Variants in TTLL5 observed in about 807,000 individuals in gnomAD.
TTLL5 encodes the protein tubulin tyrosine ligase like 5.
A neutral mutation model predicts 168.4 loss-of-function variants in TTLL5; 132 were observed. The ratio of observed to expected loss-of-function variants is 0.78; its 90% CI spans 0.68 to 0.91. The LOEUF (loss-of-function observed/expected upper bound fraction) is 0.91, where lower values mean the gene tolerates loss of function less well. Among genes scored for constraint, TTLL5 ranks in the 40% least tolerant of loss-of-function variants. The probability of loss-of-function intolerance (pLI) is 0.00; values close to 1 mark genes in which losing one functional copy is unlikely to be tolerated. For missense variants in TTLL5, 1,545 were observed against 1,581.5 expected, an observed-to-expected ratio of 0.98 and a Z score of 0.39; for synonymous variants, 546 against 558.6, an observed-to-expected ratio of 0.98 and a Z score of 0.32.
At chr14:75,951,488 A>T (rs1035330999) in intron 31 of TTLL5, among the ~76,000 whole-genome samples, 4 of 152,140 alleles carry the variant, frequency 2.6e-5, no homozygotes, top group Non-Finnish European at 5.9e-5. Context: ...GGCAGGGCGC[A>T]GTGGCTAACA....
chr14:75,848,346 G>T (rs1896668675), intron 28 of TTLL5, among the ~76,000 whole-genome samples: 1 of 152,056 alleles, frequency 6.6e-6, no homozygotes, highest in African/African-American at 2.4e-5. Flanking sequence ...CATGTCAGCT[G>T]CCCTAGACAA....
chr14:75,763,028 GGAGA>G (rs752085707), intron 18 of TTLL5, among the ~76,000 whole-genome samples: 1 of 152,028 alleles, frequency 6.6e-6, no homozygotes, highest in African/African-American at 2.4e-5. Flanking sequence ...ACACGTCATT[GGAGA>G]GAGAGTTTGT....
intron 3 of TTLL5, among the ~76,000 whole-genome samples, chr14:75,670,715 T>C (rs927256572): frequency 6.6e-6 from 1 of 152,226 alleles, no homozygotes; most frequent in Non-Finnish European, 1.5e-5. Context: ...GTGTATTTTC[T>C]TTGGAGAAAG....
Position 75,707,626 on chromosome 14 carries a change from T to C in TTLL5, c.659T>C (p.Phe220Ser), listed in dbSNP as rs201415862. Residue 220 changes from phenylalanine (F) to serine (S), a missense_variant, in exon 9 of 32, where the codon TTC (phenylalanine) becomes TCC (serine). Physicochemically the swap from Phe to Ser is radical, Grantham distance 155. Transcript: ENST00000298832. ...AATACAAACTTTTTTTTTTTAGATT[T>C]CAAGTTTGACGTGCGCCTCTATGTG... ...YINNPLLIDD[F>S]KFDVRLYVLV... The C allele has an allele frequency of 6.2e-7, 1 of 1,610,184 alleles. No individual in the cohort carries two copies. The highest frequency in any genetic ancestry group is 8.5e-7 in the Non-Finnish European group (1 of 1,178,962).
At chr14:75,760,014 G>A (rs1385490016) in intron 18 of TTLL5, among the ~76,000 whole-genome samples, 1 of 151,918 alleles carries the variant, frequency 6.6e-6, no homozygotes, top group Non-Finnish European at 1.5e-5. Flanking sequence ...GTAAAGCAAG[G>A]CAGTGAAAAA....
chr14:75,678,897 C>T (rs114858635), intron 3 of TTLL5, among the ~76,000 whole-genome samples: 110 of 152,280 alleles, frequency 7.2e-4, no homozygotes, highest in African/African-American at 2.6e-3. Context: ...GAGATGTATG[C>T]GTGTCCTATT....
intron 30 of TTLL5, among the ~76,000 whole-genome samples, chr14:75,899,042 CAG>C (rs986554615): frequency 2.2e-4 from 34 of 152,266 alleles, no homozygotes; most frequent in African/African-American, 7.9e-4. Context: ...ATAGTGAATG[CAG>C]AGAGTGTTAA....
At chr14:75,853,153 C>T (rs1398491401) in intron 28 of TTLL5, among the ~76,000 whole-genome samples, 1 of 152,216 alleles carries the variant, frequency 6.6e-6, no homozygotes, top group East Asian at 1.9e-4. Context: ...TCAGAGCCAA[C>T]CATTCTTTCT....
chr14:75,932,520 T>G (rs2140171941), intron 31 of TTLL5, among the ~76,000 whole-genome samples: 1 of 152,308 alleles, frequency 6.6e-6, no homozygotes, highest in African/African-American at 2.4e-5. Context: ...AAATAAAAAG[T>G]AAAATAGAAT....
chr14:75,928,456 T>A (rs1291279867), intron 31 of TTLL5, among the ~76,000 whole-genome samples: 1 of 150,650 alleles, frequency 6.6e-6, no homozygotes, highest in African/African-American at 2.4e-5. Flanking sequence ...AAACCTCAGC[T>A]TTTATGGCAA....
intron 15 of TTLL5, chr14:75,737,416 TA>T: frequency 1.5e-6 from 1 of 680,834 alleles, no homozygotes; most frequent in Non-Finnish European, 2.3e-6. Context: ...ATAAATGTTC[TA>T]ACCTTCCAAC....
At chr14:75,925,436 TCCTCACATCCCAGACGGGGC>T (rs1566663192) in intron 31 of TTLL5, among the ~76,000 whole-genome samples, 4 of 131,164 alleles carry the variant, frequency 3.0e-5, no homozygotes, top group East Asian at 2.2e-4. Flanking sequence ...GCAGAGGCGC[TCCTCACATCCCAGACGGGGC>T]GGCGGGGCAG....
chr14:75,753,472 A>G lies in TTLL5; in HGVS notation c.1550+517A>G, dbSNP rs372300039. 3.5e-4 allele frequency among the ~76,000 whole-genome samples: 54 copies of G among 152,314 alleles called. No individual in the cohort carries two copies. In the East Asian group the frequency reaches 9.1e-3, roughly 26 times the overall value. On this transcript the variant is annotated intron_variant, in intron 18 of 31. Transcript: ENST00000298832. ...ACAGCAATCAGGGCTGCTTAGTCCC[A>G]CATACTTTTGTAGCCCCTGAAACAT...
intron 20 of TTLL5, among the ~76,000 whole-genome samples, chr14:75,768,108 G>A (rs76199807): frequency 0.015 from 2,348 of 152,282 alleles, 80 homozygotes; most frequent in African/African-American, 0.053. Context: ...AAAGTCTTGC[G>A]AATGGATAAG....
intron 20 of TTLL5, among the ~76,000 whole-genome samples, chr14:75,768,490 G>A (rs1891092793): frequency 6.6e-6 from 1 of 151,972 alleles, no homozygotes; most frequent in Admixed American, 6.6e-5. Context: ...AAAAGAAACG[G>A]ATTTTTTTTT....
At chr14:75,860,576 A>G (rs1897347572) in intron 28 of TTLL5, among the ~76,000 whole-genome samples, 1 of 152,236 alleles carries the variant, frequency 6.6e-6, no homozygotes, top group Non-Finnish European at 1.5e-5. Context: ...CTAATAGTTT[A>G]ATTCTGGATT....
intron 31 of TTLL5, among the ~76,000 whole-genome samples, chr14:75,939,203 G>T (rs1293546196): frequency 1.3e-5 from 2 of 152,208 alleles, no homozygotes; most frequent in Non-Finnish European, 2.9e-5. Flanking sequence ...GCAGCAGAAT[G>T]AAATAGAAGA....
intron 31 of TTLL5, among the ~76,000 whole-genome samples, chr14:75,943,790 C>T (rs909426145): frequency 2.6e-5 from 4 of 152,130 alleles, no homozygotes; most frequent in African/African-American, 9.7e-5. Flanking sequence ...TAACTTTTCT[C>T]ATATGTTTAG....
In TTLL5 at chr14:75,816,985, T is replaced by TTA. The variant is rs1555348572; in HGVS notation, c.3172-3021_3172-3020insAT. On this transcript the variant is annotated intron_variant, in intron 27 of 31. Coordinates refer to ENST00000298832, the MANE Select transcript of TTLL5 (RefSeq NM_015072.5). ...ATCTTCCCTGTCTTATTTTTTTTTT[T>TTA]TTTTTTTTTTTTTGAGACAAGAGTC... is the stretch of plus-strand genomic sequence containing the variant. Among the ~76,000 whole-genome samples, 13 of 144,480 alleles carry TTA rather than the reference T, an allele frequency of 9.0e-5. No homozygotes were observed. In the East Asian group the frequency reaches 1.8e-3, roughly 20 times the overall value. 94.8% of individuals were successfully genotyped at this position (144,480 alleles called of 152,430 possible). A position where few individuals can be genotyped will look rare whatever the true frequency, so the allele number is the denominator to read the frequency against.
Sources: gnomAD v4.1 joint callset for allele counts (sites outside exome capture counted in the v4.1 genomes callset) on GRCh38, gnomAD v4.1.1 for gene constraint, MANE v1.5 for transcripts, NCBI Gene and HGNC (gene_info 2026-07-23, HGNC 2026-07-21) for gene names.